The following TMEM266 variants were observed in gnomAD, a reference collection of about 807,000 sequenced individuals.
The protein encoded by TMEM266 is transmembrane protein 266, also known as Hv1 related protein 1.
Under a neutral mutation model 50.5 loss-of-function variants are expected in TMEM266, and 33 were observed. The observed-to-expected ratio is 0.65, with a 90% CI of 0.50 to 0.87. TMEM266 has a LOEUF of 0.87. Ranked by LOEUF, TMEM266 falls within the 40% of genes least tolerant of loss-of-function variation. The pLI, the probability that TMEM266 is intolerant of heterozygous loss-of-function variation, is 0.00. For missense variants in TMEM266, 655 were observed against 695.1 expected, an observed-to-expected ratio of 0.94 and a Z score of 0.65; for synonymous variants, 310 against 292.3, an observed-to-expected ratio of 1.06 and a Z score of -0.62.
intron 8 of TMEM266, among the ~76,000 whole-genome samples, chr15:76,190,353 C>T (rs139019269): frequency 3.2e-4 from 48 of 152,268 alleles, no homozygotes; most frequent in African/African-American, 1.1e-3. Flanking sequence ...GTGGGCAGGG[C>T]CAGATGGTGC....
Position 76,130,915 on chromosome 15 carries a change from A to C in TMEM266, c.-96-3253A>C, listed in dbSNP as rs113859485. 5.0e-3 allele frequency among the ~76,000 whole-genome samples: 768 copies of C among 152,278 alleles called. 7 individuals are homozygous for C. Among genetic ancestry groups the C allele is most frequent in the African/African-American group, 0.017 (725 of 41,544 alleles). On this transcript the variant is annotated intron_variant, in intron 1 of 10. Transcript: ENST00000388942. The stretch of plus-strand genomic sequence containing the variant: ...TGGTAATTAATGTTTATTATTTATA[A>C]ATACAGATTTGTGAATTTTTACTTG...
chr15:76,158,006 A>G (rs1014335466), intron 4 of TMEM266, among the ~76,000 whole-genome samples: 25 of 151,808 alleles, frequency 1.6e-4, no homozygotes, highest in African/African-American at 5.5e-4. Flanking sequence ...AAGTAAATAA[A>G]TAAATAAATA....
At chr15:76,074,529 A>G (rs1490529979) in intron 1 of TMEM266, among the ~76,000 whole-genome samples, 4 of 152,076 alleles carry the variant, frequency 2.6e-5, no homozygotes, top group African/African-American at 9.7e-5. Flanking sequence ...TTAATGTATT[A>G]TATGTCGTCT....
chr15:76,155,837 A>T (rs2037915762), intron 3 of TMEM266, among the ~76,000 whole-genome samples: 1 of 152,206 alleles, frequency 6.6e-6, no homozygotes, highest in Non-Finnish European at 1.5e-5. Context: ...AAAAATGGAA[A>T]ATCCATTCAG....
In TMEM266 at chr15:76,083,078, C is replaced by T. The variant is rs142696238; in HGVS notation, c.-97+23062C>T. On this transcript the variant is annotated intron_variant, in intron 1 of 10. Coordinates refer to ENST00000388942, the MANE Select transcript of TMEM266 (RefSeq NM_152335.3). Reference sequence around the variant, plus strand: ...CCTAGCCATTCATGAGGGATCCACCCCCATGACCCAAGCACCTCCCACTAG... The same window carrying T: ...CCTAGCCATTCATGAGGGATCCACCTCCATGACCCAAGCACCTCCCACTAG... Among the ~76,000 whole-genome samples the T allele has an allele frequency of 1.3e-3, 199 of 152,174 alleles. 1 individual carries two copies. The highest frequency in any genetic ancestry group is 4.5e-3 in the African/African-American group (187 of 41,508).
At chr15:76,197,328 T>G (rs2038670926) in intron 9 of TMEM266, among the ~76,000 whole-genome samples, 1 of 152,208 alleles carries the variant, frequency 6.6e-6, no homozygotes, top group Non-Finnish European at 1.5e-5. Flanking sequence ...GGTTTAGAAC[T>G]GAGGTCTGGG....
chr15:76,181,979 C>G (rs1023262784), intron 8 of TMEM266, among the ~76,000 whole-genome samples: 8 of 152,176 alleles, frequency 5.3e-5, no homozygotes, highest in African/African-American at 1.9e-4. Flanking sequence ...GTTCTGCTTC[C>G]TCAGCACCAT....
chr15:76,086,035 C>T (rs1596094598), intron 1 of TMEM266, among the ~76,000 whole-genome samples: 1 of 143,094 alleles, frequency 7.0e-6, no homozygotes, highest in Non-Finnish European at 1.5e-5. Flanking sequence ...GCGATGAGAG[C>T]GAAACTCCAT....
chr15:76,152,485 G>T (rs1338159829), intron 3 of TMEM266, among the ~76,000 whole-genome samples: 1 of 152,172 alleles, frequency 6.6e-6, no homozygotes, highest in East Asian at 1.9e-4. Context: ...GCCCTAGCTG[G>T]TGGTGGGTGG....
At chr15:76,137,175 A>C (rs888817969) in intron 2 of TMEM266, among the ~76,000 whole-genome samples, 3 of 152,186 alleles carry the variant, frequency 2.0e-5, no homozygotes, top group African/African-American at 7.2e-5. Context: ...CACCACCCCA[A>C]GGCCCACTAG....
intron 8 of TMEM266, among the ~76,000 whole-genome samples, chr15:76,182,450 C>G (rs2038428828): frequency 6.6e-6 from 1 of 151,576 alleles, no homozygotes; most frequent in Non-Finnish European, 1.5e-5. Flanking sequence ...TCCTGGCTAA[C>G]ACGGTGAAAC....
At chr15:76,095,946 G>A (rs1431548214) in intron 1 of TMEM266, among the ~76,000 whole-genome samples, 1 of 152,044 alleles carries the variant, frequency 6.6e-6, no homozygotes, top group Non-Finnish European at 1.5e-5. Context: ...TTGCATTTCT[G>A]TGGGTCAGTG....
At chr15:76,103,090 G>A (rs2221075) in intron 1 of TMEM266, among the ~76,000 whole-genome samples, 78,555 of 151,630 alleles carry the variant, frequency 0.52, 20,759 homozygotes, top group Admixed American at 0.66. Flanking sequence ...GGCAGTAATC[G>A]GCCGAGAGAT....
Position 76,175,624 on chromosome 15 carries a change from A to C in TMEM266, c.718A>C (p.Ile240Leu), listed in dbSNP as rs778038275. 6.2e-7 allele frequency: 1 copy of C among 1,614,208 alleles called. No individual in the cohort carries two copies. The change falls in exon 8 of 11, where the codon ATC (isoleucine) becomes CTC (leucine). Residue 240 changes from isoleucine (I) to leucine (L), a missense_variant. Around this residue, in one of 3 missense-constraint regions of TMEM266, gnomAD observed 455 missense variants for 401.8 expected, o/e 1.13. Transcript: ENST00000388942. ...CCAGCAGTACGAGAAGGCCAAGGTC[A>C]TCCAAGACGAGCAGCTGGAGAGGCT...
intron 8 of TMEM266, among the ~76,000 whole-genome samples, chr15:76,181,690 A>T (rs2038408709): frequency 6.6e-6 from 1 of 152,162 alleles, no homozygotes; most frequent in African/African-American, 2.4e-5. Flanking sequence ...GACGGTGTGG[A>T]TGCCTTGTCT....
At chr15:76,075,710 C>T (rs778343900) in intron 1 of TMEM266, among the ~76,000 whole-genome samples, 14 of 151,734 alleles carry the variant, frequency 9.2e-5, no homozygotes, top group Admixed American at 3.9e-4. Flanking sequence ...GTTAGGAGTC[C>T]GAGACTTAGA....
chr15:76,170,752 C>G (rs566745529), intron 6 of TMEM266, among the ~76,000 whole-genome samples: 1 of 152,198 alleles, frequency 6.6e-6, no homozygotes, highest in Non-Finnish European at 1.5e-5. Context: ...GCCATCTGAA[C>G]TAAGGGCTGG....
At chr15:76,192,240 C>T in intron 9 of TMEM266, 83 bp downstream of exon 9, 3 of 1,269,342 alleles carry the variant, frequency 2.4e-6, no homozygotes, top group Non-Finnish European at 3.1e-6. Flanking sequence ...GGACTGTGCG[C>T]AGAGTGGATG....
At chr15:76,103,516 A>G (rs1302599905) in intron 1 of TMEM266, among the ~76,000 whole-genome samples, 2 of 152,184 alleles carry the variant, frequency 1.3e-5, no homozygotes, top group Non-Finnish European at 2.9e-5. Flanking sequence ...ATTGTTTACT[A>G]AGATGGAAAA....
Sources: gnomAD v4.1 joint callset for allele counts (sites outside exome capture counted in the v4.1 genomes callset) on GRCh38, gnomAD v4.1.1 for gene constraint, gnomAD v4.1.1 regional missense constraint, MANE v1.5 for transcripts, NCBI Gene and HGNC (gene_info 2026-07-23, HGNC 2026-07-21) for gene names.